Variants in VPS13C observed in about 807,000 individuals in gnomAD.
VPS13C encodes the protein vacuolar protein sorting 13 homolog C.
Under a neutral mutation model 456.8 loss-of-function variants are expected in VPS13C, and 358 were observed. That is an observed-to-expected ratio of 0.78 (90% CI 0.72 to 0.86). The LOEUF (loss-of-function observed/expected upper bound fraction) is 0.86. Ranked by LOEUF, VPS13C falls within the 40% of genes least tolerant of loss-of-function variation. VPS13C has a pLI of 0.00. For synonymous variants in VPS13C, 1,578 were observed against 1,486.7 expected (o/e 1.06, Z -1.41); for missense variants, 4,818 against 4,385.4 (o/e 1.10, Z -2.79).
Position 61,947,244 on chromosome 15 carries a change from T to G in VPS13C, c.4825A>C (p.Asn1609His). ...LKITAELNAF[N>H]VFVCDQKCNI... ...CACTTCTGATCACAGACAAAGACATTAAATGCATTTAATTCAGCTGTGATC... is the reference window on the plus strand; with the variant it reads ...CACTTCTGATCACAGACAAAGACATGAAATGCATTTAATTCAGCTGTGATC... Residue 1609 changes from asparagine (N) to histidine (H), a missense_variant, in exon 43 of 85, where the codon AAT becomes CAT. Around this residue, in one of 3 missense-constraint regions of VPS13C, gnomAD observed 4,552 missense variants for 4,130.6 expected, o/e 1.10. Coordinates refer to ENST00000644861, the MANE Select transcript of VPS13C (RefSeq NM_020821.3). 2 of 1,608,380 alleles carry G rather than the reference T, an allele frequency of 1.2e-6. No homozygotes were observed. Among genetic ancestry groups the G allele is most frequent in the Non-Finnish European group, 1.7e-6 (2 of 1,178,224 alleles).
At chr15:62,042,676 T>C (rs974954975) in intron 2 of VPS13C, among the ~76,000 whole-genome samples, 13 of 152,092 alleles carry the variant, frequency 8.5e-5, no homozygotes, top group South Asian at 4.2e-4. Flanking sequence ...CCTGAAATAA[T>C]TTTCACACAA....
intron 27 of VPS13C, among the ~76,000 whole-genome samples, chr15:61,970,503 C>G (rs1316461302): frequency 6.6e-6 from 1 of 152,078 alleles, no homozygotes; most frequent in East Asian, 1.9e-4. Context: ...TTTAAAAATA[C>G]TTAAAGAAGA....
At chr15:62,035,384 A>C (rs1412094918) in intron 3 of VPS13C, among the ~76,000 whole-genome samples, 1 of 152,026 alleles carries the variant, frequency 6.6e-6, no homozygotes, top group Non-Finnish European at 1.5e-5. Context: ...AAGTTAAATT[A>C]ATTGCTTAAG....
Position 62,010,525 on chromosome 15 carries a change from G to C in VPS13C, c.958C>G (p.Leu320Val). The C allele has an allele frequency of 6.8e-6, 11 of 1,613,428 alleles. No homozygotes were observed. Among genetic ancestry groups the C allele is most frequent in the Non-Finnish European group, 9.3e-6 (11 of 1,179,722 alleles). Residue 320 changes from leucine (L) to valine (V), a missense_variant, in exon 13 of 85, where the codon CTG becomes GTG. Physicochemically the swap from Leu to Val is conservative, Grantham distance 32 (BLOSUM62 1). Coordinates refer to ENST00000644861, the MANE Select transcript of VPS13C (RefSeq NM_020821.3). ...YAESELKTPK[L>V]DCNIEIQNIA... ...TTTTGTATTTCTATGTTGCAATCCAGTTTGGGCGTTTTGAGCTCTGATTCT... is the reference window on the plus strand; with the variant it reads ...TTTTGTATTTCTATGTTGCAATCCACTTTGGGCGTTTTGAGCTCTGATTCT...
At chr15:62,045,948 A>G (rs2048386794) in intron 1 of VPS13C, among the ~76,000 whole-genome samples, 1 of 152,194 alleles carries the variant, frequency 6.6e-6, no homozygotes, top group Non-Finnish European at 1.5e-5. Context: ...AAAAGTATCT[A>G]TATATGCACA....
At chr15:62,012,437 A>G (rs1278111704) in intron 11 of VPS13C, among the ~76,000 whole-genome samples, 1 of 151,990 alleles carries the variant, frequency 6.6e-6, no homozygotes, top group African/African-American at 2.4e-5. Context: ...ACATATATGT[A>G]TATCCATACA....
intron 66 of VPS13C, among the ~76,000 whole-genome samples, chr15:61,896,164 C>T (rs531832547): frequency 6.6e-6 from 1 of 152,266 alleles, no homozygotes; most frequent in South Asian, 2.1e-4. Context: ...AAAAAGTCTT[C>T]CCTCAAAGAA....
In VPS13C at chr15:62,049,317, C is replaced by T. The variant is rs1247032573; in HGVS notation, c.101-5062G>A. Among the ~76,000 whole-genome samples, 25 of 152,320 alleles carry T rather than the reference C, an allele frequency of 1.6e-4. No individual in the cohort carries two copies. The East Asian group carries it at 4.8e-3, about 29-fold the overall frequency. Reference sequence around the variant, plus strand: ...GAAGGGATCCAGTTTCAGCTTTCTACATATGGCTAGCCAGTTTTCCCAGCA... The same window carrying T: ...GAAGGGATCCAGTTTCAGCTTTCTATATATGGCTAGCCAGTTTTCCCAGCA... On this transcript the variant is annotated intron_variant, in intron 1 of 84. Coordinates refer to ENST00000644861, the MANE Select transcript of VPS13C (RefSeq NM_020821.3).
In VPS13C at chr15:61,920,269, C is replaced by T. The variant is rs144529979; in HGVS notation, c.7275G>A (p.Thr2425=). The T allele has an allele frequency of 2.5e-5, 41 of 1,612,812 alleles. No individual in the cohort carries two copies. The African/African-American group carries it at 4.0e-4, about 16-fold the overall frequency. Residue 2425 remains threonine, a synonymous_variant, in exon 57 of 85, where the codon ACG becomes ACA. Coordinates refer to ENST00000644861, the MANE Select transcript of VPS13C (RefSeq NM_020821.3). ...DYSLKDRAPF[T]VKNAVGVPIK... ...TGGGAACACCTACAGCATTTTTTAC[C>T]GTAAAAGGAGCTCTGTCCTTTAAAG...
intron 17 of VPS13C, 60 bp from the exon 18 acceptor site, chr15:61,991,154 A>C: frequency 7.8e-7 from 1 of 1,284,788 alleles, no homozygotes; most frequent in Middle Eastern, 2.1e-4. Context: ...ATAACTAAAA[A>C]GACTAACCAA....
intron 67 of VPS13C, among the ~76,000 whole-genome samples, chr15:61,887,797 T>C (rs1304302548): frequency 6.6e-6 from 1 of 152,148 alleles, no homozygotes; most frequent in Non-Finnish European, 1.5e-5. Flanking sequence ...TTCGGTATAG[T>C]GGAGACTTCT....
Position 62,007,312 on chromosome 15 carries a change from A to T in VPS13C, c.1286T>A (p.Ile429Asn). 6.2e-7 allele frequency: 1 copy of T among 1,604,750 alleles called. No homozygotes were observed. Among genetic ancestry groups the T allele is most frequent in the African/African-American group, 1.3e-5 (1 of 74,692 alleles). The change falls in exon 15 of 85, where the codon ATT (isoleucine) becomes AAT (asparagine). Residue 429 changes from isoleucine (I) to asparagine (N), a missense_variant. By Grantham distance (149) the Ile-to-Asn change is moderately radical. This residue lies in a region of VPS13C where 4,552 missense variants were observed against 4,130.6 expected (regional missense o/e 1.10). Transcript: ENST00000644861. ...ACTAATATATGCAAGATATACCTGA[A>T]TTTCTTTCTGTATTTCTTCTGAGAC... The part of the protein sequence containing the change: ...SKVSEEIQKE[I>N]QDLEKTLDVF...
intron 47 of VPS13C, among the ~76,000 whole-genome samples, chr15:61,937,076 C>T (rs1248169163): frequency 6.6e-6 from 1 of 152,144 alleles, no homozygotes; most frequent in Non-Finnish European, 1.5e-5. Context: ...GTCTCTCTCT[C>T]ATCTCAACCA....
intron 16 of VPS13C, among the ~76,000 whole-genome samples, chr15:61,993,275 C>T (rs2046281406): frequency 6.6e-6 from 1 of 152,002 alleles, no homozygotes; most frequent in African/African-American, 2.4e-5. Flanking sequence ...TTTAAAAGGG[C>T]AGGCACTAAA....
chr15:62,015,395 T>C (rs1445733482), intron 9 of VPS13C, among the ~76,000 whole-genome samples: 1 of 152,040 alleles, frequency 6.6e-6, no homozygotes, highest in Non-Finnish European at 1.5e-5. Context: ...TTTGTTGCCA[T>C]TGCTTTTGGT....
intron 76 of VPS13C, 88 bp downstream of exon 76, chr15:61,875,644 C>G: frequency 1.1e-6 from 1 of 884,188 alleles, no homozygotes; most frequent in African/African-American, 1.7e-5. Context: ...TTCCAAGATA[C>G]AATTACAATG....
chr15:62,015,489 C>A (rs1267556998), intron 9 of VPS13C, among the ~76,000 whole-genome samples: 1 of 151,010 alleles, frequency 6.6e-6, no homozygotes, highest in African/African-American at 2.4e-5. Flanking sequence ...TGGTTTATTG[C>A]GGCACTATTC....
At chr15:61,978,563 C>A in intron 23 of VPS13C, 63 bp downstream of exon 23, 1 of 1,564,836 alleles carries the variant, frequency 6.4e-7, no homozygotes, top group Non-Finnish European at 8.6e-7. Context: ...CACATATATA[C>A]ACGTATATTA....
intron 22 of VPS13C, among the ~76,000 whole-genome samples, chr15:61,980,183 CAAAAAAAA>C (rs71125960): frequency 5.3e-4 from 24 of 45,250 alleles, no homozygotes; most frequent in Non-Finnish European, 7.1e-4. Context: ...GACCCCATCT[CAAAAAAAA>C]AAAAAAAAAA....
Sources: allele counts gnomAD v4.1 joint callset (sites outside exome capture counted in the v4.1 genomes callset), GRCh38; gene constraint gnomAD v4.1.1; regional missense constraint gnomAD v4.1.1; transcripts MANE v1.5; gene names NCBI Gene and HGNC (gene_info 2026-07-23, HGNC 2026-07-21).